The following ANK1 variants were observed in gnomAD, a reference collection of about 807,000 sequenced individuals.
ANK1 encodes the protein ankyrin-1.
ANK1 carries 51 observed loss-of-function variants against 210.4 expected under a neutral mutation model. The observed-to-expected ratio is 0.24, with a 90% CI of 0.19 to 0.31. ANK1 has a LOEUF of 0.31. ANK1 is among the 10% of genes least tolerant of loss of function. The pLI, the probability that ANK1 is intolerant of heterozygous loss-of-function variation, is 1.00. For synonymous variants in ANK1, 967 were observed against 1,025.9 expected (o/e 0.94, Z 1.10); for missense variants, 2,051 against 2,504.4 (o/e 0.82, Z 3.86).
At chr8:41,850,222 G>A (rs914700193) in intron 1 of ANK1, among the ~76,000 whole-genome samples, 5 of 152,158 alleles carry the variant, frequency 3.3e-5, no homozygotes, top group African/African-American at 4.8e-5. Flanking sequence ...TGCAGCCGTC[G>A]TTTAGCCCAT....
Position 41,702,122 on chromosome 8 carries a change from A to C in ANK1, c.2318T>G (p.Ile773Arg). ...VSSDGTTPLA[I>R]AKRLGYISVT... ...AGAAATGTAGCCCAAGCGCTTGGCTATGGCCAGAGGTGTGGTTCCATCCTG... is the reference window on the plus strand; with the variant it reads ...AGAAATGTAGCCCAAGCGCTTGGCTCTGGCCAGAGGTGTGGTTCCATCCTG... Residue 773 changes from isoleucine (I) to arginine (R), a missense_variant, in exon 21 of 43, where the codon ATA (isoleucine) becomes AGA (arginine). By Grantham distance (97) the Ile-to-Arg change is moderately conservative. Around this residue, in one of 6 missense-constraint regions of ANK1, gnomAD observed 1,413 missense variants for 1,707.4 expected, o/e 0.83. Transcript: ENST00000289734. 1 of 1,613,970 alleles carries C rather than the reference A, an allele frequency of 6.2e-7. No individual in the cohort carries two copies. The highest frequency in any genetic ancestry group is 8.5e-7 in the Non-Finnish European group (1 of 1,179,900).
intron 9 of ANK1, among the ~76,000 whole-genome samples, chr8:41,720,231 G>A (rs966101122): frequency 6.6e-6 from 1 of 151,914 alleles, no homozygotes; most frequent in Non-Finnish European, 1.5e-5. Flanking sequence ...TTATTTATAC[G>A]CCTCTTAAGA....
chr8:41,771,601 G>A (rs1419894215), intron 1 of ANK1, among the ~76,000 whole-genome samples: 1 of 152,216 alleles, frequency 6.6e-6, no homozygotes, highest in African/African-American at 2.4e-5. Context: ...GTTCTAGCCT[G>A]TAGCTTCATG....
chr8:41,884,585 A>G (rs1031780785), intron 1 of ANK1, among the ~76,000 whole-genome samples: 4 of 152,036 alleles, frequency 2.6e-5, no homozygotes, highest in Admixed American at 6.6e-5. Context: ...CTGTAATCCC[A>G]GAGCTTTCAG....
rs890398731 is a variant in ANK1 at position 41,700,571 on chromosome 8, A to T, written c.2461+979T>A. ...CTCTGCTTCTCTAGTTGACAAAGTT[A>T]TACAACCATGAAATTATCCAGATGG... On this transcript the variant is annotated intron_variant, in intron 22 of 42. Coordinates refer to ENST00000289734, the MANE Select transcript of ANK1 (RefSeq NM_000037.4). 9.3e-6 allele frequency: 10 copies of T among 1,069,976 alleles called. No individual in the cohort carries two copies. In the African/African-American group the frequency reaches 1.2e-4, roughly 13 times the overall value. The allele number at this position is 1,069,976 out of a possible 1,614,324, so 66.3% of individuals were successfully genotyped here.
chr8:41,783,679 C>T (rs1845779124), intron 1 of ANK1, among the ~76,000 whole-genome samples: 1 of 152,148 alleles, frequency 6.6e-6, no homozygotes, highest in South Asian at 2.1e-4. Flanking sequence ...GCAATGTCAC[C>T]CACACCAATC....
intron 1 of ANK1, among the ~76,000 whole-genome samples, chr8:41,835,127 G>T (rs982235884): frequency 6.6e-6 from 1 of 152,240 alleles, no homozygotes; most frequent in African/African-American, 2.4e-5. Flanking sequence ...CGGTGTTCTG[G>T]CCATTGGAGG....
At chr8:41,879,386 G>A (rs1041035267) in intron 1 of ANK1, among the ~76,000 whole-genome samples, 2 of 152,182 alleles carry the variant, frequency 1.3e-5, no homozygotes, top group African/African-American at 4.8e-5. Context: ...AGACCTGCCA[G>A]AGCACCTGGA....
chr8:41,792,920 A>G (rs553253645), intron 1 of ANK1, among the ~76,000 whole-genome samples: 48 of 152,358 alleles, frequency 3.2e-4, no homozygotes, highest in African/African-American at 1.2e-3. Context: ...AGCATCTACC[A>G]TGTGGCAGGC....
chr8:41,893,046 A>G (rs1006869679), intron 1 of ANK1, among the ~76,000 whole-genome samples: 4 of 152,052 alleles, frequency 2.6e-5, no homozygotes, highest in African/African-American at 7.2e-5. Context: ...TCCTCTCCCT[A>G]TCCACTCTTC....
At chr8:41,853,460 A>G (rs2150813189) in intron 1 of ANK1, among the ~76,000 whole-genome samples, 1 of 152,370 alleles carries the variant, frequency 6.6e-6, no homozygotes, top group East Asian at 1.9e-4. Flanking sequence ...TTCTGGGGTC[A>G]GAACACTTAA....
chr8:41,663,834 C>T (rs1313508530), intron 39 of ANK1, 92 bp from the exon 40 acceptor site: 19 of 1,016,580 alleles, frequency 1.9e-5, no homozygotes, highest in Non-Finnish European at 2.8e-5. Context: ...GCAGTAGCCA[C>T]AATAGCCATG....
intron 20 of ANK1, among the ~76,000 whole-genome samples, chr8:41,703,662 AT>A (rs1011589559): frequency 3.3e-5 from 5 of 150,076 alleles, no homozygotes; most frequent in Admixed American, 1.3e-4. Flanking sequence ...AATTAAAAAA[AT>A]TTTTTTTTGT....
Position 41,797,502 on chromosome 8 carries a change from C to A in ANK1, c.27+10G>T, listed in dbSNP as rs1848987205. Reference sequence around the variant, plus strand: ...CTCCCCGTCCACCCGAGCAGCCGCCCAGTACTCACTTCGCGGAAGCCCACA... The same window carrying A: ...CTCCCCGTCCACCCGAGCAGCCGCCAAGTACTCACTTCGCGGAAGCCCACA... On this transcript the variant is annotated intron_variant, in intron 1 of 42. Coordinates refer to ENST00000289734, the MANE Select transcript of ANK1 (RefSeq NM_000037.4). This position sits in a 1 kb window ranked among gnomAD's most constrained non-coding sequence, Gnocchi z 4.0. 1 of 1,612,938 alleles carries A rather than the reference C, an allele frequency of 6.2e-7. No homozygotes were observed. The highest frequency in any genetic ancestry group is 2.2e-5 in the East Asian group (1 of 44,856).
chr8:41,810,476 C>T (rs1479719344), intron 1 of ANK1, among the ~76,000 whole-genome samples: 1 of 152,230 alleles, frequency 6.6e-6, no homozygotes, highest in Non-Finnish European at 1.5e-5. Context: ...CGTGTTTCCA[C>T]GGTGAAGCCA....
intron 37 of ANK1, among the ~76,000 whole-genome samples, chr8:41,682,662 T>A (rs1052010981): frequency 2.6e-5 from 4 of 152,216 alleles, no homozygotes; most frequent in Non-Finnish European, 5.9e-5. Context: ...TGGTGGGAGC[T>A]AGGGGTCTGT....
At chr8:41,712,970 G>A (rs1396516378) in intron 16 of ANK1, among the ~76,000 whole-genome samples, 11 of 152,192 alleles carry the variant, frequency 7.2e-5, no homozygotes, top group Non-Finnish European at 1.6e-4. Context: ...CACTGCAGCA[G>A]GGACAGGAGG....
intron 3 of ANK1, among the ~76,000 whole-genome samples, chr8:41,729,422 G>A (rs998405717): frequency 6.6e-5 from 10 of 152,184 alleles, no homozygotes; most frequent in South Asian, 2.1e-4. Context: ...TGGAGGTCTC[G>A]CTCTAACACC....
At chr8:41,776,534 G>A (rs955454409) in intron 1 of ANK1, among the ~76,000 whole-genome samples, 8 of 152,092 alleles carry the variant, frequency 5.3e-5, no homozygotes, top group African/African-American at 1.4e-4. Flanking sequence ...ACGTCTTCCC[G>A]GCTGGCCCAC....
Sources: allele counts gnomAD v4.1 joint callset (sites outside exome capture counted in the v4.1 genomes callset), GRCh38; gene constraint gnomAD v4.1.1; regional missense constraint gnomAD v4.1.1; non-coding constraint Gnocchi (gnomAD v3.1); transcripts MANE v1.5; gene names NCBI Gene and HGNC (gene_info 2026-07-23, HGNC 2026-07-21).